GLB1L3: variants seen among roughly 807,000 people sequenced by gnomAD.
GLB1L3 encodes beta-galactosidase-1-like protein 3.
A neutral mutation model predicts 89.5 loss-of-function variants in GLB1L3; 89 were observed. The ratio of observed to expected loss-of-function variants is 0.99; its 90% CI spans 0.84 to 1.19. The LOEUF (loss-of-function observed/expected upper bound fraction) is 1.19, where lower values mean the gene tolerates loss of function less well. Ranked by LOEUF, GLB1L3 falls within the 50% of genes most tolerant of loss-of-function variation. GLB1L3 has a pLI of 0.00. For missense variants in GLB1L3, 812 were observed against 813.3 expected (o/e 1.00, Z 0.02); for synonymous variants, 314 against 312.3 (o/e 1.01, Z -0.06).
Position 134,293,175 on chromosome 11 carries a change from A to G in GLB1L3, c.842A>G (p.His281Arg). 1 of 1,613,758 alleles carries G rather than the reference A, an allele frequency of 6.2e-7. No individual in the cohort carries two copies. The highest frequency in any genetic ancestry group is 8.5e-7 in the Non-Finnish European group (1 of 1,179,798). ...VLAAINLQKLHQDTFNQLHKV... is the reference protein window; with the variant it reads ...VLAAINLQKLRQDTFNQLHKV... The stretch of plus-strand genomic sequence containing the variant: ...GCCGCCATCAATTTGCAAAAACTTC[A>G]CCAGGATACTTTCAATCAGCTTCAT... Residue 281 changes from histidine (H) to arginine (R), a missense_variant, in exon 9 of 20, where the codon CAC (histidine) becomes CGC (arginine). Physicochemically the swap from His to Arg is conservative, Grantham distance 29. Around this residue, in one of 3 missense-constraint regions of GLB1L3, gnomAD observed 618 missense variants for 604.0 expected, o/e 1.02. Coordinates refer to ENST00000431683, the MANE Select transcript of GLB1L3 (RefSeq NM_001080407.3).
At position 134,277,425 on chromosome 11, in the gene GLB1L3, T is replaced by G. The variant is rs1410807692; in HGVS notation, c.123T>G (p.Leu41=). 1.2e-6 allele frequency: 2 copies of G among 1,613,812 alleles called. No homozygotes were observed. Among genetic ancestry groups the G allele is most frequent in the Admixed American group, 3.3e-5 (2 of 60,024 alleles). ...TTAAGCAGGAAGAGAACTTCATGCT[T>G]GGAAGAGCGCATCCGTCCCAGCCTA... The part of the protein sequence containing the change: ...PRFKQEENFM[L]GRAHPSQPRF... The change falls in exon 2 of 20, where the codon CTT becomes CTG. Residue 41 remains leucine, a synonymous_variant. Transcript: ENST00000431683.
rs543763272 is a variant in GLB1L3, at chr11:134,306,530, A to G, written c.877-594A>G. On this transcript the variant is annotated intron_variant, in intron 9 of 19. Transcript: ENST00000431683. ...AGATCTTTGGGCTTAGAGTGAGACA[A>G]TCTTAGAGCAGCAGCATGCCAGAGG... Among the ~76,000 whole-genome samples, 299 of 152,302 alleles carry G rather than the reference A, an allele frequency of 2.0e-3. 10 individuals carry two copies. In the South Asian group the frequency reaches 0.041, roughly 21 times the overall value.
At chr11:134,303,804 C>A (rs1167093829) in intron 9 of GLB1L3, among the ~76,000 whole-genome samples, 1 of 151,962 alleles carries the variant, frequency 6.6e-6, no homozygotes, top group East Asian at 1.9e-4. Flanking sequence ...GATCAGTTTT[C>A]TTCTGCTTGA....
intron 18 of GLB1L3, chr11:134,317,225 T>G (rs1943023781): frequency 6.6e-6 from 1 of 152,236 alleles, no homozygotes; most frequent in Non-Finnish European, 1.5e-5. Flanking sequence ...TCTGGAAGTC[T>G]TTATCTCTTA....
downstream of GLB1L3, among the ~76,000 whole-genome samples, chr11:134,323,355 T>C (rs1339143641): frequency 5.9e-5 from 9 of 151,348 alleles, no homozygotes; most frequent in Admixed American, 6.0e-4. Context: ...ACCCCGTCTC[T>C]ACTAAACACA....
chr11:134,320,780 A>C (rs956074103), downstream of GLB1L3, among the ~76,000 whole-genome samples: 21 of 152,168 alleles, frequency 1.4e-4, no homozygotes, highest in African/African-American at 4.8e-4. Context: ...ACAAACAAAA[A>C]CCAAGAGAGT....
chr11:134,283,353 C>T (rs1050690356), intron 5 of GLB1L3, among the ~76,000 whole-genome samples: 4 of 152,026 alleles, frequency 2.6e-5, no homozygotes, highest in Non-Finnish European at 4.4e-5. Context: ...CATGAATCAC[C>T]GCGCCTGACC....
chr11:134,308,600 T>TCCACCA (rs1310577775), intron 10 of GLB1L3, among the ~76,000 whole-genome samples: 1 of 77,338 alleles, frequency 1.3e-5, no homozygotes, highest in Non-Finnish European at 2.6e-5. Flanking sequence ...CACCATCACC[T>TCCACCA]CCACCACCAC....
chr11:134,277,970 G>T, intron 3 of GLB1L3, 58 bp downstream of exon 3: 2 of 1,563,082 alleles, frequency 1.3e-6, no homozygotes, highest in Non-Finnish European at 1.7e-6. Flanking sequence ...ATCCTGGCCG[G>T]GAACCTGAGC....
In GLB1L3 at chr11:134,312,405, C is replaced by T. The variant is rs535333995; in HGVS notation, c.1344C>T (p.Ser448=). 3.5e-5 allele frequency: 57 copies of T among 1,613,666 alleles called. No homozygotes were observed. The highest frequency in any genetic ancestry group is 1.7e-4 in the Middle Eastern group (1 of 6,056). ...NMENLPINNG[S]GQSYGLVLYE... is the part of the protein sequence containing the mutation. Reference sequence around the variant, plus strand: ...AGAACCTTCCCATAAACAATGGGAGCGGCCAGTCCTACGGGCTTGTCCTGT... The same window carrying T: ...AGAACCTTCCCATAAACAATGGGAGTGGCCAGTCCTACGGGCTTGTCCTGT... Residue 448 remains serine, a synonymous_variant, in exon 14 of 20, where the codon AGC becomes AGT. Coordinates refer to ENST00000431683, the MANE Select transcript of GLB1L3 (RefSeq NM_001080407.3).
chr11:134,284,722 C>CTA (rs1940888371), intron 6 of GLB1L3, among the ~76,000 whole-genome samples: 1 of 151,926 alleles, frequency 6.6e-6, no homozygotes, highest in South Asian at 2.1e-4. Flanking sequence ...GAGTGACACT[C>CTA]TGTCTCAAAA....
chr11:134,323,170 C>T (rs1288546706), downstream of GLB1L3, among the ~76,000 whole-genome samples: 2 of 152,112 alleles, frequency 1.3e-5, no homozygotes, highest in Non-Finnish European at 2.9e-5. Context: ...AAAAACTTGT[C>T]CTCTTAAACA....
At chr11:134,284,741 GAAACAAAA>G (rs1248978780) in intron 6 of GLB1L3, among the ~76,000 whole-genome samples, 2 of 151,458 alleles carry the variant, frequency 1.3e-5, no homozygotes, top group Non-Finnish European at 2.9e-5. Flanking sequence ...AAAACAAAAC[GAAACAAAA>G]AAACAAAACT....
At chr11:134,322,765 A>G (rs1943182739), downstream of GLB1L3, among the ~76,000 whole-genome samples, 1 of 152,222 alleles carries the variant, frequency 6.6e-6, no homozygotes, top group South Asian at 2.1e-4. Context: ...TTCATGGCTG[A>G]ATAATGTTCC....
chr11:134,324,516 A>G (rs938136126), downstream of GLB1L3, among the ~76,000 whole-genome samples: 3 of 152,194 alleles, frequency 2.0e-5, no homozygotes, highest in Non-Finnish European at 4.4e-5. Context: ...GTTATTATAA[A>G]TCTGTCTTTT....
At chr11:134,308,617 TATC>T (rs1942541044) in intron 10 of GLB1L3, among the ~76,000 whole-genome samples, 1 of 54,232 alleles carries the variant, frequency 1.8e-5, no homozygotes, top group Non-Finnish European at 3.8e-5. Context: ...CCACCACCAC[TATC>T]ACCACCATCA....
chr11:134,309,916 T>A, intron 11 of GLB1L3, 153 bp downstream of exon 11: 1 of 827,300 alleles, frequency 1.2e-6, no homozygotes, highest in Non-Finnish European at 1.8e-6. Context: ...CTTCCTTCTG[T>A]ATGTTCATAA....
chr11:134,290,031 A>G (rs1328673222), intron 7 of GLB1L3, among the ~76,000 whole-genome samples: 1 of 152,044 alleles, frequency 6.6e-6, no homozygotes, highest in African/African-American at 2.4e-5. Context: ...CAAAGTGGGG[A>G]GGAGGGCGGG....
chr11:134,304,204 T>G (rs918962499), intron 9 of GLB1L3, among the ~76,000 whole-genome samples: 3 of 152,184 alleles, frequency 2.0e-5, no homozygotes, highest in African/African-American at 7.2e-5. Context: ...TCTCTTTAGT[T>G]TGTACATTTT....
Sources: allele counts gnomAD v4.1 joint callset (sites outside exome capture counted in the v4.1 genomes callset), GRCh38; gene constraint gnomAD v4.1.1; regional missense constraint gnomAD v4.1.1; transcripts MANE v1.5; gene names NCBI Gene and HGNC (gene_info 2026-07-23, HGNC 2026-07-21).